B9D2: variants seen among roughly 807,000 people sequenced by gnomAD.
B9D2 encodes B9 domain containing 2, also known as B9 domain-containing protein 2.
In B9D2, 21 loss-of-function variants were observed where a neutral mutation model predicts 19.2. The ratio of observed to expected loss-of-function variants is 1.09; its 90% CI spans 0.78 to 1.58. The LOEUF (loss-of-function observed/expected upper bound fraction) is 1.58, where lower values mean the gene tolerates loss of function less well. B9D2 is among the 40% of genes most tolerant of loss of function. The pLI is 0.00. For synonymous variants in B9D2, 91 were observed against 100.6 expected (o/e 0.90, Z 0.57); for missense variants, 221 against 244.3 (o/e 0.90, Z 0.64).
chr19:41,363,349 C>T, intron 2 of B9D2, 83 bp downstream of exon 2: 1 of 1,375,242 alleles, frequency 7.3e-7, no homozygotes, highest in South Asian at 1.2e-5. Context: ...GGTTAAGAGT[C>T]TGCGTTAAGG....
chr19:41,358,932 G>GTC (rs2123135659), intron 2 of B9D2, among the ~76,000 whole-genome samples: 1 of 151,992 alleles, frequency 6.6e-6, no homozygotes, highest in South Asian at 2.1e-4. Flanking sequence ...ATCATCTAAG[G>GTC]TCAGGAGTTC....
At chr19:41,356,368 G>C (rs532657105) in intron 3 of B9D2, among the ~76,000 whole-genome samples, 1 of 152,272 alleles carries the variant, frequency 6.6e-6, no homozygotes, top group African/African-American at 2.4e-5. Flanking sequence ...AGTAGAGGCA[G>C]TTTAAGATTT....
Position 41,357,961 on chromosome 19 carries a change from CTGCGGGGTGTCCACT to C in B9D2, c.135_149del (p.Val46_Gln50del). 1.9e-6 allele frequency: 3 copies of C among 1,614,164 alleles called. No individual in the cohort carries two copies. Among genetic ancestry groups the C allele is most frequent in the Non-Finnish European group, 2.5e-6 (3 of 1,180,020 alleles). On this transcript the variant is annotated inframe_deletion, in exon 3 of 4. Transcript: ENST00000243578. The stretch of plus-strand genomic sequence containing the variant: ...GGGACCAGTAAGCCATGTCCCCTAT[CTGCGGGGTGTCCACT>C]TGCGTTTGGCCCTCCCGCACGCCTG...
chr19:41,363,277 C>G (rs905274040), intron 2 of B9D2, among the ~76,000 whole-genome samples, 155 bp downstream of exon 2: 1 of 151,998 alleles, frequency 6.6e-6, no homozygotes, highest in African/African-American at 2.4e-5. Flanking sequence ...AAGATGGGAG[C>G]TTGAGACTCA....
At chr19:41,363,260 A>G (rs1599912235) in intron 2 of B9D2, among the ~76,000 whole-genome samples, 172 bp downstream of exon 2, 1 of 152,018 alleles carries the variant, frequency 6.6e-6, no homozygotes, top group East Asian at 1.9e-4. Flanking sequence ...CACCCCTCAC[A>G]CACACAAAGA....
At chr19:41,355,235 C>A (rs541960210) in intron 3 of B9D2, among the ~76,000 whole-genome samples, 3 of 152,334 alleles carry the variant, frequency 2.0e-5, no homozygotes, top group African/African-American at 7.2e-5. Context: ...TACTCCCCTG[C>A]TAAGGATCCT....
intron 3 of B9D2, among the ~76,000 whole-genome samples, chr19:41,356,202 G>A (rs1396754051): frequency 6.6e-6 from 1 of 152,184 alleles, no homozygotes; most frequent in Non-Finnish European, 1.5e-5. Context: ...GGTGTTCACA[G>A]GGTCCCAGCT....
intron 3 of B9D2, among the ~76,000 whole-genome samples, chr19:41,357,548 G>A (rs1361474001): frequency 2.0e-5 from 3 of 152,122 alleles, no homozygotes; most frequent in African/African-American, 4.8e-5. Context: ...AGCCCTTCCT[G>A]GAGAAACAGC....
chr19:41,354,646 C>T lies in B9D2; in HGVS notation c.*54G>A, dbSNP rs2038275167. 7 of 1,606,570 alleles carry T rather than the reference C, an allele frequency of 4.4e-6. No homozygotes were observed. The highest frequency in any genetic ancestry group is 3.3e-5 in the Admixed American group (2 of 59,906). On this transcript the variant is annotated 3_prime_UTR_variant, in exon 4 of 4. Transcript: ENST00000243578. ...GCTCTTGACCACTGTGCCATCCTCC[C>T]CCATCACTGGGTGTCCGGGGTGTGG...
At chr19:41,358,252 T>C (rs1169789357) in intron 2 of B9D2, among the ~76,000 whole-genome samples, 1 of 152,142 alleles carries the variant, frequency 6.6e-6, no homozygotes, top group African/African-American at 2.4e-5. Flanking sequence ...ATGAGCTGAG[T>C]AATAATGCAT....
chr19:41,363,825 G>A (rs1399637225), intron 1 of B9D2, 133 bp downstream of exon 1: 3 of 538,266 alleles, frequency 5.6e-6, no homozygotes, highest in Non-Finnish European at 1.0e-5. Context: ...GCCCACGAGC[G>A]CAAAAGACCC....
At chr19:41,363,159 T>C (rs2038440818) in intron 2 of B9D2, 1 of 478,176 alleles carries the variant, frequency 2.1e-6, no homozygotes, top group Non-Finnish European at 3.8e-6. Context: ...GGCGGGAGGA[T>C]CACTAGAGCC....
At chr19:41,357,782 G>C in intron 3 of B9D2, 115 bp downstream of exon 3, 1 of 1,477,612 alleles carries the variant, frequency 6.8e-7, no homozygotes, top group Non-Finnish European at 9.4e-7. Flanking sequence ...GCTGCAAAAG[G>C]GACCTACGTG....
At chr19:41,362,663 GGTGAA>G (rs1405473122) in intron 2 of B9D2, among the ~76,000 whole-genome samples, 1 of 152,168 alleles carries the variant, frequency 6.6e-6, no homozygotes, top group Non-Finnish European at 1.5e-5. Flanking sequence ...AGGAAGTCGA[GGTGAA>G]GAGAAGTGCC....
chr19:41,359,360 G>A (rs2038367164), intron 2 of B9D2, among the ~76,000 whole-genome samples: 1 of 150,940 alleles, frequency 6.6e-6, no homozygotes, highest in African/African-American at 2.4e-5. Flanking sequence ...TGAGGTCAGG[G>A]GTTCGAGACC....
In B9D2 at chr19:41,357,847, T is replaced by C. The variant is rs756761176; in HGVS notation, c.214+50A>G. ...TCCCAGCCCCAGGGACCTCAGAGGC[T>C]ACTGGCCCCCTCCCCTCAGCCTGGA... On this transcript the variant is annotated intron_variant, in intron 3 of 3. Transcript: ENST00000243578. 2.0e-5 allele frequency: 32 copies of C among 1,611,368 alleles called. No individual in the cohort carries two copies. The South Asian group carries it at 3.4e-4, about 17-fold the overall frequency.
intron 2 of B9D2, 68 bp from the exon 3 acceptor site, chr19:41,358,090 T>C (rs2038346042): frequency 1.3e-6 from 2 of 1,599,294 alleles, no homozygotes; most frequent in Non-Finnish European, 1.7e-6. Context: ...GCTGTGGCTA[T>C]AGGACTGTTT....
chr19:41,363,305 C>G, intron 2 of B9D2, 127 bp downstream of exon 2: 1 of 918,790 alleles, frequency 1.1e-6, no homozygotes, highest in Non-Finnish European at 1.8e-6. Context: ...AGGGTGTGGG[C>G]TGGGCCTGGA....
intron 3 of B9D2, among the ~76,000 whole-genome samples, chr19:41,356,048 G>C (rs1011628248): frequency 1.3e-5 from 2 of 152,160 alleles, no homozygotes; most frequent in Non-Finnish European, 2.9e-5. Context: ...CATGGCTAGA[G>C]CAGAATGAGG....
Sources: allele counts gnomAD v4.1 joint callset (sites outside exome capture counted in the v4.1 genomes callset), GRCh38; gene constraint gnomAD v4.1.1; transcripts MANE v1.5; gene names NCBI Gene and HGNC (gene_info 2026-07-23, HGNC 2026-07-21).